BPTF: variants seen among roughly 807,000 people sequenced by gnomAD.
BPTF encodes the protein nucleosome-remodeling factor subunit BPTF.
In BPTF, 18 loss-of-function variants were observed where a neutral mutation model predicts 292.5. The observed-to-expected ratio is 0.06, with a 90% confidence interval of 0.04 to 0.09. The LOEUF is 0.09. BPTF is among the 10% of genes least tolerant of loss of function. BPTF has a pLI of 1.00. For missense variants in BPTF, 2,726 were observed against 3,498.7 expected, an observed-to-expected ratio of 0.78 and a Z score of 5.57; for synonymous variants, 1,225 against 1,251.9, an observed-to-expected ratio of 0.98 and a Z score of 0.45.
intron 1 of BPTF, among the ~76,000 whole-genome samples, chr17:67,843,745 A>G (rs2057767989): frequency 2.5e-5 from 3 of 119,870 alleles, no homozygotes; most frequent in South Asian, 5.1e-4. Context: ...AATTGTCTGG[A>G]GCAGTTGTCT....
chr17:67,858,439 A>C (rs1461238631), intron 2 of BPTF, among the ~76,000 whole-genome samples: 25 of 151,984 alleles, frequency 1.6e-4, no homozygotes, highest in Non-Finnish European at 3.5e-4. Context: ...TTTAAAGTTT[A>C]CTGCTCTCAG....
intron 3 of BPTF, among the ~76,000 whole-genome samples, chr17:67,871,071 G>A (rs1187639601): frequency 2.0e-5 from 3 of 151,956 alleles, no homozygotes; most frequent in South Asian, 2.1e-4. Context: ...GCGCCCGGCC[G>A]AAAATGCTTC....
At chr17:67,901,127 A>G (rs2146562832) in intron 7 of BPTF, among the ~76,000 whole-genome samples, 1 of 152,336 alleles carries the variant, frequency 6.6e-6, no homozygotes, top group South Asian at 2.1e-4. Flanking sequence ...TTGAAGCTTC[A>G]ATAATTTGTT....
intron 26 of BPTF, among the ~76,000 whole-genome samples, chr17:67,969,998 C>T: frequency 6.6e-6 from 1 of 151,998 alleles, no homozygotes; most frequent in East Asian, 1.9e-4. Context: ...CTTTGGGAGG[C>T]CGAGGCAGGC....
chr17:67,921,962 G>T (rs181614657), intron 13 of BPTF, among the ~76,000 whole-genome samples: 2 of 150,424 alleles, frequency 1.3e-5, no homozygotes, highest in African/African-American at 2.4e-5. Flanking sequence ...ACCCAGGATG[G>T]GGGTGTTGCA....
At position 67,945,660 on chromosome 17, in the gene BPTF, G is replaced by A. The variant is rs1485631536; in HGVS notation, c.6952G>A (p.Ala2318Thr). The A allele has an allele frequency of 3.1e-6, 5 of 1,613,812 alleles. No homozygotes were observed. Among genetic ancestry groups the A allele is most frequent in the Admixed American group, 1.7e-5 (1 of 59,956 alleles). Residue 2318 changes from alanine (A) to threonine (T), a missense_variant, in exon 21 of 28, where the codon GCA (alanine) becomes ACA (threonine). Ala to Thr is a moderately conservative substitution (Grantham distance 58). Coordinates refer to ENST00000306378, the MANE Select transcript of BPTF (RefSeq NM_182641.4). Reference sequence around the variant, plus strand: ...CCCTTCTGAAGCACAACCCACCCACGCACAGTCATCCAAGCCCCAAGTTGC... The same window carrying A: ...CCCTTCTGAAGCACAACCCACCCACACACAGTCATCCAAGCCCCAAGTTGC... ...HVPSEAQPTH[A>T]QSSKPQVAAQ...
rs1555697588 is a variant in BPTF, at chr17:67,983,033, A to G, written c.*745A>G. 1 of 152,278 alleles carries G rather than the reference A, an allele frequency of 6.6e-6. No homozygotes were observed. The highest frequency in any genetic ancestry group is 2.4e-5 in the African/African-American group (1 of 41,462). 9.4% of individuals were successfully genotyped at this position (152,278 alleles called of 1,614,324 possible). ...CTCTGCACCAGGCTAAAATGAGTAA[A>G]ATCTATTTGAAGGTATCTTGTTTGT... On this transcript the variant is annotated 3_prime_UTR_variant, in exon 28 of 28. Coordinates refer to ENST00000306378, the MANE Select transcript of BPTF (RefSeq NM_182641.4).
intron 9 of BPTF, among the ~76,000 whole-genome samples, chr17:67,909,274 C>A (rs1300014089): frequency 1.1e-5 from 1 of 87,514 alleles, no homozygotes; most frequent in Non-Finnish European, 2.6e-5. Context: ...CAGGTCCCCC[C>A]CCCCCTTTTT....
intron 27 of BPTF, among the ~76,000 whole-genome samples, chr17:67,976,699 A>AT (rs1428595334): frequency 4.5e-5 from 6 of 132,316 alleles, no homozygotes; most frequent in Non-Finnish European, 9.8e-5. Context: ...AAAAAAAAAA[A>AT]AAAAAAAAAA....
intron 1 of BPTF, among the ~76,000 whole-genome samples, chr17:67,848,059 C>G (rs1018605663): frequency 2.6e-5 from 4 of 152,136 alleles, no homozygotes; most frequent in Non-Finnish European, 5.9e-5. Flanking sequence ...GCCACTTTCT[C>G]TCAGATACCA....
rs140794750 is a variant in BPTF, at chr17:67,893,170, C to T, written c.2056-200C>T. On this transcript the variant is annotated intron_variant, in intron 5 of 27. Coordinates refer to ENST00000306378, the MANE Select transcript of BPTF (RefSeq NM_182641.4). ...TACTTAATATGTGTTAGTTTTCTTT[C>T]TGCAGGCATATCTTGGTTGTTTAAT... is the stretch of plus-strand genomic sequence containing the variant. The T allele has an allele frequency of 7.6e-4, 443 of 579,632 alleles. 4 individuals are homozygous for T. In the African/African-American group the frequency reaches 7.8e-3, roughly 10 times the overall value. The allele number at this position is 579,632 out of a possible 1,614,324, so 35.9% of individuals were successfully genotyped here. A position where few individuals can be genotyped will look rare whatever the true frequency, so the allele number is the denominator to read the frequency against.
chr17:67,830,216 A>T (rs1401890593), intron 1 of BPTF, among the ~76,000 whole-genome samples: 1 of 152,252 alleles, frequency 6.6e-6, no homozygotes. Context: ...TATTTAAAAC[A>T]GAATGGTTCT....
intron 4 of BPTF, among the ~76,000 whole-genome samples, chr17:67,888,325 A>G (rs1205809584): frequency 6.6e-6 from 1 of 152,118 alleles, no homozygotes; most frequent in Non-Finnish European, 1.5e-5. Flanking sequence ...TCGGTGGCTC[A>G]CACCTGTAAT....
At chr17:67,857,320 C>T (rs969582977) in intron 2 of BPTF, among the ~76,000 whole-genome samples, 2 of 151,720 alleles carry the variant, frequency 1.3e-5, no homozygotes, top group African/African-American at 4.8e-5. Context: ...GCCACCGTGC[C>T]CGGTTAATTT....
rs200451743 is a variant in BPTF at position 67,920,118 on chromosome 17, C to T, written c.5532C>T (p.Pro1844=). Residue 1844 remains proline, a synonymous_variant, in exon 13 of 28, where the codon CCC becomes CCT. Transcript: ENST00000306378. ...ATTGTATCAGGAAAATCATTTGTCC[C>T]ATTGGAGTTCCAGAAACACCAAAAG... ...SEYCIRKIIC[P]IGVPETPKET... The T allele has an allele frequency of 3.1e-6, 5 of 1,612,236 alleles. No homozygotes were observed. The highest frequency in any genetic ancestry group is 4.2e-6 in the Non-Finnish European group (5 of 1,178,696).
At chr17:67,951,684 A>G (rs181633604) in intron 23 of BPTF, 87 of 152,338 alleles carry the variant, frequency 5.7e-4, no homozygotes, top group South Asian at 1.9e-3. Flanking sequence ...TATCTTGTAT[A>G]TATTACTTTA....
At chr17:67,962,443 CTT>C (rs781843444) in intron 24 of BPTF, among the ~76,000 whole-genome samples, 1 of 152,190 alleles carries the variant, frequency 6.6e-6, no homozygotes, top group African/African-American at 2.4e-5. Flanking sequence ...GTCATTAGGT[CTT>C]TTGTTACAGA....
chr17:67,903,775 G>C lies in BPTF; in HGVS notation c.2544-14G>C. The C allele has an allele frequency of 6.6e-7, 1 of 1,520,732 alleles. No homozygotes were observed. The highest frequency in any genetic ancestry group is 8.8e-7 in the Non-Finnish European group (1 of 1,140,240). The allele number at this position is 1,520,732 out of a possible 1,614,324, so 94.2% of individuals were successfully genotyped here. ...TTCCAAGTTAACATTGTCTTTCTAT[G>C]CATGAATTCTTAGGTTACACCGGAT... On this transcript the variant is annotated splice_polypyrimidine_tract_variant and intron_variant, in intron 7 of 27. Coordinates refer to ENST00000306378, the MANE Select transcript of BPTF (RefSeq NM_182641.4).
In BPTF at chr17:67,913,021, A is replaced by T; in HGVS notation, c.5137A>T (p.Thr1713Ser). The T allele has an allele frequency of 1.2e-6, 2 of 1,614,202 alleles. No homozygotes were observed. Among genetic ancestry groups the T allele is most frequent in the South Asian group, 1.1e-5 (1 of 91,078 alleles). Residue 1713 changes from threonine to serine, a missense_variant, in exon 11 of 28, where the codon ACC becomes TCC. By Grantham distance (58) the Thr-to-Ser change is moderately conservative (BLOSUM62 1). Coordinates refer to ENST00000306378, the MANE Select transcript of BPTF (RefSeq NM_182641.4). ...TALPSYRKFV[T>S]KSSKKSIFVL... ...TCTGCCATCCTATAGAAAATTTGTT[A>T]CCAAGAGCAGCAAGAAGAGCATTTT...
Sources: allele counts gnomAD v4.1 joint callset (sites outside exome capture counted in the v4.1 genomes callset), GRCh38; gene constraint gnomAD v4.1.1; transcripts MANE v1.5; gene names NCBI Gene and HGNC (gene_info 2026-07-23, HGNC 2026-07-21).